ADCY9: variants seen among roughly 807,000 people sequenced by gnomAD.
ADCY9 encodes adenylate cyclase type 9.
Under a neutral mutation model 101.5 loss-of-function variants are expected in ADCY9, and 50 were observed. The ratio of observed to expected loss-of-function variants is 0.49; its 90% CI spans 0.39 to 0.62. The LOEUF (loss-of-function observed/expected upper bound fraction) is 0.62. ADCY9 is among the 20% of genes least tolerant of loss of function. The pLI is 0.00. For synonymous variants in ADCY9, 905 were observed against 769.3 expected (o/e 1.18, Z -2.92); for missense variants, 1,662 against 1,800.4 (o/e 0.92, Z 1.39).
At chr16:4,072,042 T>A (rs1021711702) in intron 2 of ADCY9, among the ~76,000 whole-genome samples, 1 of 152,228 alleles carries the variant, frequency 6.6e-6, no homozygotes, top group Admixed American at 6.5e-5. Context: ...TTTTGCCTAT[T>A]CTGACAGAAC....
intron 3 of ADCY9, among the ~76,000 whole-genome samples, chr16:4,000,267 G>C (rs148823954): frequency 1.1e-3 from 165 of 152,316 alleles, no homozygotes; most frequent in African/African-American, 3.7e-3. Flanking sequence ...TTACAGATGA[G>C]GACACTGAGA....
intron 2 of ADCY9, among the ~76,000 whole-genome samples, chr16:4,109,102 A>G (rs1367874215): frequency 6.6e-6 from 1 of 151,832 alleles, no homozygotes; most frequent in South Asian, 2.1e-4. Flanking sequence ...GATTTCTCAC[A>G]CTCGTACACC....
At chr16:3,993,095 A>G (rs2056258932) in intron 4 of ADCY9, among the ~76,000 whole-genome samples, 1 of 152,084 alleles carries the variant, frequency 6.6e-6, no homozygotes, top group Non-Finnish European at 1.5e-5. Flanking sequence ...ATTCTCTCAT[A>G]AACTGAGTCC....
chr16:4,037,244 G>T (rs988854044), intron 2 of ADCY9, among the ~76,000 whole-genome samples: 1 of 152,132 alleles, frequency 6.6e-6, no homozygotes, highest in African/African-American at 2.4e-5. Flanking sequence ...TTTGAGCCCA[G>T]GAGGTCAAGG....
chr16:4,091,663 T>G (rs1214157047), intron 2 of ADCY9, among the ~76,000 whole-genome samples: 2 of 152,198 alleles, frequency 1.3e-5, no homozygotes, highest in Non-Finnish European at 2.9e-5. Context: ...TGCCACAACA[T>G]GAATGAACCT....
intron 10 of ADCY9, among the ~76,000 whole-genome samples, chr16:3,970,866 A>G (rs2141676069): frequency 6.6e-6 from 1 of 152,186 alleles, no homozygotes; most frequent in East Asian, 1.9e-4. Context: ...CTCGCTTGTA[A>G]GCTGTGAAGA....
chr16:4,009,883 C>T (rs549028117), intron 2 of ADCY9, among the ~76,000 whole-genome samples: 18 of 152,304 alleles, frequency 1.2e-4, no homozygotes, highest in African/African-American at 4.1e-4. Context: ...GAGGCCTGTC[C>T]TGGGGCTGCT....
At chr16:3,995,590 T>C (rs1488588768) in intron 3 of ADCY9, among the ~76,000 whole-genome samples, 3 of 148,132 alleles carry the variant, frequency 2.0e-5, no homozygotes, top group Non-Finnish European at 4.5e-5. Context: ...AGACAAACCG[T>C]GGCAAGAAAT....
At position 4,114,789 on chromosome 16, in the gene ADCY9, T is replaced by A. The variant is rs1335201294; in HGVS notation, c.654A>T (p.Leu218Phe). ...ACATGGAGAAGCTCCCCACTTGAGA[T>A]AAGCAAGTATCTGTGGGCCGGGCTG... Reference protein sequence around the residue: ...TATARPTDTCLSQVGSFSMCI... With the variant: ...TATARPTDTCFSQVGSFSMCI... The change falls in exon 2 of 11, where the codon TTA (leucine) becomes TTT (phenylalanine). Residue 218 changes from leucine to phenylalanine, a missense_variant. Physicochemically the swap from Leu to Phe is conservative, Grantham distance 22. Transcript: ENST00000294016. The surrounding 1 kb of genome is among the most constrained non-coding windows in gnomAD (Gnocchi z 4.3). 4.3e-6 allele frequency: 7 copies of A among 1,613,316 alleles called. No homozygotes were observed. Among genetic ancestry groups the A allele is most frequent in the Non-Finnish European group, 5.1e-6 (6 of 1,180,038 alleles).
At chr16:3,984,298 G>C (rs771615740) in intron 6 of ADCY9, 2 of 152,370 alleles carry the variant, frequency 1.3e-5, no homozygotes, top group African/African-American at 2.4e-5. Context: ...GCTTCGTGGC[G>C]GAAGTGGCCG....
In ADCY9 at chr16:3,954,989, C is replaced by T. The variant is rs141706403; in HGVS notation, c.568-1473G>A. ...AGGTCTGAGCCTGTCATCATTCTGC[C>T]AGTATAACAGACAGGTGAATGAAGA... On this transcript the variant is annotated intron_variant, in intron 5 of 5. Coordinates refer to the ADCY9 transcript ENST00000576936. Among the ~76,000 whole-genome samples, 312 of 152,228 alleles carry T rather than the reference C, an allele frequency of 2.0e-3. 2 individuals are homozygous for T. The highest frequency in any genetic ancestry group is 7.3e-3 in the African/African-American group (303 of 41,542).
chr16:3,985,456 C>T (rs369543809), intron 6 of ADCY9, among the ~76,000 whole-genome samples: 13 of 152,104 alleles, frequency 8.5e-5, no homozygotes, highest in African/African-American at 2.2e-4. Context: ...ATTTCAGGGG[C>T]GACACTGCCC....
At chr16:4,078,110 T>A (rs1220632867) in intron 2 of ADCY9, among the ~76,000 whole-genome samples, 1 of 152,118 alleles carries the variant, frequency 6.6e-6, no homozygotes, top group Non-Finnish European at 1.5e-5. Context: ...ACACTCATCA[T>A]ACAACCCAGT....
chr16:4,067,091 A>C (rs2056805123), intron 2 of ADCY9, among the ~76,000 whole-genome samples: 1 of 152,162 alleles, frequency 6.6e-6, no homozygotes, highest in Admixed American at 6.6e-5. Context: ...AGTTTTAAGA[A>C]CTGAAATAAC....
chr16:4,023,208 G>A (rs534925887), intron 2 of ADCY9, among the ~76,000 whole-genome samples: 1 of 152,248 alleles, frequency 6.6e-6, no homozygotes, highest in Non-Finnish European at 1.5e-5. Flanking sequence ...GGCCACGCTA[G>A]ACGCTGGTGA....
intron 2 of ADCY9, among the ~76,000 whole-genome samples, chr16:4,071,331 CCA>C (rs1491396630): frequency 2.1e-4 from 2 of 9,386 alleles, no homozygotes; most frequent in African/African-American, 7.0e-4. Context: ...AACTCAGTCT[CCA>C]AAAAAAAAAA....
At chr16:4,091,932 T>C (rs1383437376) in intron 2 of ADCY9, among the ~76,000 whole-genome samples, 6 of 152,200 alleles carry the variant, frequency 3.9e-5, no homozygotes, top group Non-Finnish European at 7.3e-5. Context: ...CACTGAACTG[T>C]TCACCTTAAA....
At chr16:4,028,588 C>A (rs1020407765) in intron 2 of ADCY9, among the ~76,000 whole-genome samples, 2 of 152,118 alleles carry the variant, frequency 1.3e-5, no homozygotes, top group African/African-American at 4.8e-5. Flanking sequence ...TGGTTTGGGA[C>A]TGGAAGCAGG....
chr16:4,013,431 A>C (rs1031055656), intron 2 of ADCY9, among the ~76,000 whole-genome samples: 2 of 152,174 alleles, frequency 1.3e-5, no homozygotes, highest in African/African-American at 2.4e-5. Flanking sequence ...CAAAAAAGAA[A>C]AAAAAATTAA....
Sources: allele counts gnomAD v4.1 joint callset (sites outside exome capture counted in the v4.1 genomes callset), GRCh38; gene constraint gnomAD v4.1.1; non-coding constraint Gnocchi (gnomAD v3.1); transcripts MANE v1.5; gene names NCBI Gene and HGNC (gene_info 2026-07-23, HGNC 2026-07-21).